The following RRBP1 variants were observed in gnomAD, a reference collection of about 807,000 sequenced individuals.
RRBP1 encodes the protein ribosome-binding protein 1.
In RRBP1, 94 loss-of-function variants were observed where a neutral mutation model predicts 165.2. The ratio of observed to expected loss-of-function variants is 0.57; its 90% confidence interval spans 0.48 to 0.68. RRBP1 has a LOEUF of 0.68. RRBP1 is among the 30% of genes least tolerant of loss of function. The pLI is 0.00. For synonymous variants in RRBP1, 680 were observed against 714.5 expected (o/e 0.95, Z 0.77); for missense variants, 1,676 against 1,763.0 (o/e 0.95, Z 0.88).
rs1600722078 is a variant in RRBP1, at chr20:17,616,019, C to T, written c.3868-10G>A. 1.2e-6 allele frequency: 2 copies of T among 1,602,864 alleles called. No individual in the cohort carries two copies. On this transcript the variant is annotated splice_polypyrimidine_tract_variant and intron_variant, in intron 21 of 24. Coordinates refer to ENST00000377813, the MANE Select transcript of RRBP1 (RefSeq NM_001365613.2). Reference sequence around the variant, plus strand: ...CCAGCTGCGTCTTCAGCTGTGCAAACACCGCAAACATAACCCGGCAGCCCG... The same window carrying T: ...CCAGCTGCGTCTTCAGCTGTGCAAATACCGCAAACATAACCCGGCAGCCCG...
Position 17,643,750 on chromosome 20 carries a change from G to A in RRBP1, c.1913-623C>T, listed in dbSNP as rs2036411887. 6.6e-6 allele frequency among the ~76,000 whole-genome samples: 1 copy of A among 152,164 alleles called. No homozygotes were observed. Among genetic ancestry groups the A allele is most frequent in the South Asian group, 2.1e-4 (1 of 4,832 alleles). Reference sequence around the variant, plus strand: ...GTTTGGGAGAGGGAAGGCTGGCTGGGTTCTTATAGAAAGGGCCTGTCCACT... The same window carrying A: ...GTTTGGGAGAGGGAAGGCTGGCTGGATTCTTATAGAAAGGGCCTGTCCACT... On this transcript the variant is annotated intron_variant, in intron 3 of 24. Coordinates refer to ENST00000377813, the MANE Select transcript of RRBP1 (RefSeq NM_001365613.2). The surrounding 1 kb of genome is among the most constrained non-coding windows in gnomAD (Gnocchi z 4.3).
At chr20:17,628,549 C>T (rs2036079135) in intron 9 of RRBP1, among the ~76,000 whole-genome samples, 1 of 152,228 alleles carries the variant, frequency 6.6e-6, no homozygotes, top group South Asian at 2.1e-4. Flanking sequence ...CATGAGACGA[C>T]TTCATCTCCT....
At chr20:17,638,734 G>A (rs911473668) in intron 5 of RRBP1, among the ~76,000 whole-genome samples, 32 of 151,736 alleles carry the variant, frequency 2.1e-4, no homozygotes, top group Admixed American at 5.9e-4. Context: ...GGGTTCCGGC[G>A]CACAAGAAGA....
chr20:17,646,838 C>T (rs966292562), intron 3 of RRBP1, among the ~76,000 whole-genome samples: 7 of 152,146 alleles, frequency 4.6e-5, no homozygotes, highest in African/African-American at 1.7e-4. Context: ...TTCCAGGATC[C>T]CCCATGGCCA....
intron 2 of RRBP1, among the ~76,000 whole-genome samples, chr20:17,671,808 T>C (rs967591833): frequency 2.0e-5 from 3 of 152,218 alleles, no homozygotes; most frequent in Non-Finnish European, 2.9e-5. Flanking sequence ...TGCTTCAGTG[T>C]ATTCCATTCT....
At chr20:17,674,427 G>A (rs2037035819) in intron 2 of RRBP1, among the ~76,000 whole-genome samples, 1 of 151,930 alleles carries the variant, frequency 6.6e-6, no homozygotes, top group Non-Finnish European at 1.5e-5. Context: ...TTCCTAGCAC[G>A]ATGAGGACTG....
At chr20:17,648,547 T>A (rs1418861454) in intron 3 of RRBP1, among the ~76,000 whole-genome samples, 1 of 152,228 alleles carries the variant, frequency 6.6e-6, no homozygotes, top group Non-Finnish European at 1.5e-5. Flanking sequence ...TTAAGGGCAA[T>A]GGAGCTCAGT....
At chr20:17,666,721 T>C (rs1047952693) in intron 2 of RRBP1, among the ~76,000 whole-genome samples, 2 of 152,258 alleles carry the variant, frequency 1.3e-5, no homozygotes, top group South Asian at 2.1e-4. Context: ...AGCTGCCTTG[T>C]AGCATTCGCA....
intron 2 of RRBP1, among the ~76,000 whole-genome samples, chr20:17,662,950 A>T (rs1369053384): frequency 6.6e-6 from 1 of 152,136 alleles, no homozygotes; most frequent in African/African-American, 2.4e-5. Context: ...CTGAGGAGGG[A>T]GGATCGCTTG....
chr20:17,649,464 C>T (rs772914231), intron 3 of RRBP1, among the ~76,000 whole-genome samples: 13 of 152,132 alleles, frequency 8.5e-5, no homozygotes, highest in Non-Finnish European at 1.6e-4. Flanking sequence ...GGCATGGAAA[C>T]CAGCCTCCTA....
chr20:17,635,999 T>C (rs1049396805), intron 6 of RRBP1, among the ~76,000 whole-genome samples: 11 of 152,200 alleles, frequency 7.2e-5, no homozygotes, highest in African/African-American at 2.7e-4. Context: ...ACAAAGCACA[T>C]GCACCGCCTC....
intron 2 of RRBP1, among the ~76,000 whole-genome samples, chr20:17,678,685 A>G (rs1196647928): frequency 6.6e-6 from 1 of 152,252 alleles, no homozygotes; most frequent in East Asian, 1.9e-4. Flanking sequence ...TGACCAACTT[A>G]TGACTACTGA....
intron 3 of RRBP1, among the ~76,000 whole-genome samples, chr20:17,646,962 A>G (rs1230882866): frequency 1.3e-5 from 2 of 152,192 alleles, no homozygotes; most frequent in Non-Finnish European, 2.9e-5. Flanking sequence ...TGGCTCTCTC[A>G]GTCCACGGGG....
At chr20:17,653,239 GACTA>G (rs930368057) in intron 3 of RRBP1, among the ~76,000 whole-genome samples, 4 of 152,218 alleles carry the variant, frequency 2.6e-5, no homozygotes, top group Admixed American at 2.0e-4. Context: ...GGGAAAAGCA[GACTA>G]ACTGTGAGGA....
At chr20:17,617,288 C>T (rs960547818) in intron 20 of RRBP1, among the ~76,000 whole-genome samples, 2 of 152,256 alleles carry the variant, frequency 1.3e-5, no homozygotes, top group Admixed American at 1.3e-4. Flanking sequence ...CACCCCTACG[C>T]TCCATCACTG....
chr20:17,676,591 C>G (rs2037086967), intron 2 of RRBP1, among the ~76,000 whole-genome samples: 1 of 152,148 alleles, frequency 6.6e-6, no homozygotes, highest in African/African-American at 2.4e-5. Flanking sequence ...ACTGCCAATA[C>G]CCAAGCACAT....
Position 17,633,625 on chromosome 20 carries a change from T to C in RRBP1, c.2457-12A>G. The C allele has an allele frequency of 6.2e-7, 1 of 1,613,098 alleles. No individual in the cohort carries two copies. The highest frequency in any genetic ancestry group is 8.5e-7 in the Non-Finnish European group (1 of 1,179,570). ...GCTCTGCGTTCTGCCTGCAAGACAG[T>C]CACCAGCCCGACTAATGGAAAGAAA... On this transcript the variant is annotated splice_polypyrimidine_tract_variant and intron_variant, in intron 7 of 24. Coordinates refer to ENST00000377813, the MANE Select transcript of RRBP1 (RefSeq NM_001365613.2).
intron 2 of RRBP1, among the ~76,000 whole-genome samples, chr20:17,664,287 C>T (rs1336275124): frequency 6.6e-6 from 1 of 152,178 alleles, no homozygotes; most frequent in Admixed American, 6.5e-5. Flanking sequence ...CACACGGGAT[C>T]GTTCACATCC....
Position 17,643,207 on chromosome 20 carries a change from A to G in RRBP1, c.1913-80T>C. ...TGGCCACAATGCCCATCACACCAAGAAGGTTCTGGTCACAGCCACGAAGAG... is the reference window on the plus strand; with the variant it reads ...TGGCCACAATGCCCATCACACCAAGGAGGTTCTGGTCACAGCCACGAAGAG... On this transcript the variant is annotated intron_variant, in intron 3 of 24. Coordinates refer to ENST00000377813, the MANE Select transcript of RRBP1 (RefSeq NM_001365613.2). The surrounding 1 kb of genome is among the most constrained non-coding windows in gnomAD (Gnocchi z 4.3). 3 of 1,482,202 alleles carry G rather than the reference A, an allele frequency of 2.0e-6. No homozygotes were observed. In the African/African-American group the frequency reaches 4.2e-5, roughly 21 times the overall value. 91.8% of individuals were successfully genotyped at this position (1,482,202 alleles called of 1,614,324 possible).
Sources: allele counts gnomAD v4.1 joint callset (sites outside exome capture counted in the v4.1 genomes callset), GRCh38; gene constraint gnomAD v4.1.1; non-coding constraint Gnocchi (gnomAD v3.1); transcripts MANE v1.5; gene names NCBI Gene and HGNC (gene_info 2026-07-23, HGNC 2026-07-21).